The following DGKB variants were observed in gnomAD, a reference collection of about 807,000 sequenced individuals.
DGKB encodes the protein diacylglycerol kinase beta.
Under a neutral mutation model 114.3 loss-of-function variants are expected in DGKB, and 67 were observed. That is an observed-to-expected ratio of 0.59 (90% CI 0.48 to 0.72). DGKB has a LOEUF of 0.72. Among genes scored for constraint, DGKB ranks in the 30% least tolerant of loss-of-function variants. The pLI is 0.00. For synonymous variants in DGKB, 398 were observed against 323.1 expected (o/e 1.23, Z -2.49); for missense variants, 907 against 975.2 (o/e 0.93, Z 0.93).
chr7:14,925,003 T>A (rs892420589), intron 1 of DGKB, among the ~76,000 whole-genome samples: 24 of 152,164 alleles, frequency 1.6e-4, no homozygotes, highest in Admixed American at 7.9e-4. Flanking sequence ...TTAAATTTGT[T>A]ATATAAATAG....
At chr7:14,451,154 G>A (rs1431842891) in intron 21 of DGKB, among the ~76,000 whole-genome samples, 1 of 151,992 alleles carries the variant, frequency 6.6e-6, no homozygotes, top group African/African-American at 2.4e-5. Context: ...GAGGTACCCA[G>A]ATATTTGGTT....
intron 2 of DGKB, among the ~76,000 whole-genome samples, chr7:14,776,562 C>A (rs566913488): frequency 6.6e-6 from 1 of 152,364 alleles, no homozygotes; most frequent in South Asian, 2.1e-4. Flanking sequence ...CGGGCCTTGG[C>A]TTCAGAGGGT....
At chr7:14,638,995 G>A (rs188579988) in intron 13 of DGKB, among the ~76,000 whole-genome samples, 12 of 152,104 alleles carry the variant, frequency 7.9e-5, no homozygotes, top group African/African-American at 2.2e-4. Context: ...CTGAGATCAC[G>A]CCACTGCACT....
intron 25 of DGKB, among the ~76,000 whole-genome samples, chr7:14,158,760 C>G (rs1198853713): frequency 6.6e-6 from 1 of 152,046 alleles, no homozygotes; most frequent in Non-Finnish European, 1.5e-5. Flanking sequence ...AGAGAGGAAA[C>G]TGATTGTTTT....
intron 10 of DGKB, among the ~76,000 whole-genome samples, chr7:14,683,802 TTGGCAACATTGA>T (rs1201103598): frequency 6.6e-6 from 1 of 152,126 alleles, no homozygotes; most frequent in East Asian, 1.9e-4. Context: ...GTGATTTTCT[TTGGCAACATTGA>T]GGGAGAAAAC....
At chr7:14,244,661 C>G (rs967171020) in intron 23 of DGKB, among the ~76,000 whole-genome samples, 4 of 116,116 alleles carry the variant, frequency 3.4e-5, no homozygotes, top group Non-Finnish European at 6.7e-5. Flanking sequence ...CAGAGTGAGA[C>G]TCTGTCTCAA....
At chr7:14,708,483 C>A (rs1429614653) in intron 6 of DGKB, among the ~76,000 whole-genome samples, 1 of 148,146 alleles carries the variant, frequency 6.8e-6, no homozygotes, top group African/African-American at 2.6e-5. Context: ...TCATATGGAA[C>A]CAAAAGAGAG....
intron 25 of DGKB, chr7:14,176,176 G>T: frequency 1.1e-5 from 2 of 177,156 alleles, no homozygotes; most frequent in Non-Finnish European, 2.2e-5. Flanking sequence ...TTATAGGAAT[G>T]TAAGTAACTT....
chr7:14,589,689 T>C (rs1304893361), intron 17 of DGKB, among the ~76,000 whole-genome samples: 1 of 152,064 alleles, frequency 6.6e-6, no homozygotes, highest in Non-Finnish European at 1.5e-5. Context: ...AGTGTGAGAA[T>C]AAACATTTAT....
chr7:14,615,667 T>C (rs1806377227), intron 15 of DGKB, among the ~76,000 whole-genome samples: 1 of 151,894 alleles, frequency 6.6e-6, no homozygotes, highest in South Asian at 2.1e-4. Context: ...AATATGGATA[T>C]ACAGGAATAA....
chr7:14,334,102 T>C (rs767996174), intron 23 of DGKB, among the ~76,000 whole-genome samples: 1 of 152,184 alleles, frequency 6.6e-6, no homozygotes. Context: ...CATTTTCATT[T>C]AGGTATCATC....
intron 1 of DGKB, among the ~76,000 whole-genome samples, chr7:14,873,758 C>CA (rs1219329592): frequency 6.6e-6 from 1 of 151,542 alleles, no homozygotes; most frequent in African/African-American, 2.4e-5. Context: ...CCTTATATTC[C>CA]AAAATTATAG....
intron 17 of DGKB, among the ~76,000 whole-genome samples, chr7:14,603,472 T>C (rs2128769863): frequency 6.6e-6 from 1 of 152,222 alleles, no homozygotes; most frequent in East Asian, 1.9e-4. Flanking sequence ...TTAAATAAAA[T>C]ATGGTAGAAA....
intron 6 of DGKB, among the ~76,000 whole-genome samples, chr7:14,704,794 A>T (rs1204034765): frequency 6.6e-6 from 1 of 152,172 alleles, no homozygotes; most frequent in East Asian, 1.9e-4. Context: ...AACAGAAAGG[A>T]CATCCACACC....
intron 25 of DGKB, among the ~76,000 whole-genome samples, chr7:14,150,720 A>G (rs1209489973): frequency 6.6e-6 from 1 of 152,106 alleles, no homozygotes; most frequent in Non-Finnish European, 1.5e-5. Context: ...GCACTTAACT[A>G]TGTAGATTGA....
chr7:14,332,247 T>C (rs574479057), intron 23 of DGKB, among the ~76,000 whole-genome samples: 3 of 152,308 alleles, frequency 2.0e-5, no homozygotes, highest in East Asian at 3.9e-4. Flanking sequence ...CCATTCTTTG[T>C]GCCCATTTTA....
At chr7:14,271,120 A>AT (rs1007209912) in intron 23 of DGKB, among the ~76,000 whole-genome samples, 1 of 152,160 alleles carries the variant, frequency 6.6e-6, no homozygotes, top group Non-Finnish European at 1.5e-5. Context: ...TTACAGGGCA[A>AT]TTTTTTTAAA....
At chr7:14,535,972 G>C (rs545147081) in intron 20 of DGKB, among the ~76,000 whole-genome samples, 3 of 152,050 alleles carry the variant, frequency 2.0e-5, no homozygotes, top group African/African-American at 4.8e-5. Flanking sequence ...AATGAAACAG[G>C]AGTGAATACA....
intron 20 of DGKB, among the ~76,000 whole-genome samples, chr7:14,573,726 C>T (rs1431514): frequency 0.51 from 77,516 of 151,660 alleles, 19,874 homozygotes; most frequent in East Asian, 0.6. Flanking sequence ...AAATGAAAAG[C>T]CAGCCTTCTG....
Sources: allele counts gnomAD v4.1 joint callset (sites outside exome capture counted in the v4.1 genomes callset), GRCh38; gene constraint gnomAD v4.1.1; transcripts MANE v1.5; gene names NCBI Gene and HGNC (gene_info 2026-07-23, HGNC 2026-07-21).